Variants in CNTNAP3 observed in about 807,000 individuals in gnomAD.
The protein encoded by CNTNAP3 is contactin associated protein family member 3, also known as contactin-associated protein-like 3.
A neutral mutation model predicts 92.1 loss-of-function variants in CNTNAP3; 36 were observed. The ratio of observed to expected loss-of-function variants is 0.39; its 90% CI spans 0.30 to 0.52. The LOEUF (loss-of-function observed/expected upper bound fraction) is 0.52, where lower values mean the gene tolerates loss of function less well. Among genes scored for constraint, CNTNAP3 ranks in the 20% least tolerant of loss-of-function variants. The pLI, the probability that CNTNAP3 is intolerant of heterozygous loss-of-function variation, is 0.76. For missense variants in CNTNAP3, 534 were observed against 1,069.6 expected (o/e 0.50, Z 6.98); for synonymous variants, 232 against 422.3 (o/e 0.55, Z 5.53).
chr9:39,287,120 CA>C (rs1238812309), intron 1 of CNTNAP3, among the ~76,000 whole-genome samples: 3 of 54,138 alleles, frequency 5.5e-5, no homozygotes, highest in African/African-American at 1.2e-4. Context: ...TACTCCAAGC[CA>C]AAAAAAAAAT....
chr9:39,067,167 T>C lies in CNTNAP3; in HGVS notation c.*6723A>G, dbSNP rs1825527031. Among the ~76,000 whole-genome samples, 1 of 152,310 alleles carries C rather than the reference T, an allele frequency of 6.6e-6. No homozygotes were observed. The highest frequency in any genetic ancestry group is 1.9e-4 in the East Asian group (1 of 5,208). ...ACATCCATTGTATTTTTTAATCTTA[T>C]ACATTAACATTGTCATCTCTCGAAG... On this transcript the variant is annotated 3_prime_UTR_variant, in exon 24 of 24. Coordinates refer to ENST00000297668, the MANE Select transcript of CNTNAP3 (RefSeq NM_033655.5).
Position 39,072,272 on chromosome 9 carries a change from G to A in CNTNAP3, c.*1618C>T, listed in dbSNP as rs535790105. ...CATAACAAGATGGAAATTCATTTAC[G>A]TAACAGTAACGCTGAATCAATATAT... is the stretch of plus-strand genomic sequence containing the variant. On this transcript the variant is annotated 3_prime_UTR_variant, in exon 24 of 24. Transcript: ENST00000297668. 4.6e-5 allele frequency among the ~76,000 whole-genome samples: 6 copies of A among 131,756 alleles called. 1 individual carries two copies. The East Asian group carries it at 9.6e-4, about 21-fold the overall frequency. The allele number at this position is 131,756 out of a possible 152,430, so 86.4% of individuals were successfully genotyped here.
intron 13 of CNTNAP3, among the ~76,000 whole-genome samples, chr9:39,120,015 A>G (rs1432588803): frequency 6.6e-6 from 1 of 152,218 alleles, no homozygotes; most frequent in African/African-American, 2.4e-5. Context: ...GAGAGAAGAA[A>G]GTGTGCTGAA....
intron 13 of CNTNAP3, among the ~76,000 whole-genome samples, chr9:39,126,304 AT>A (rs1239604594): frequency 1.3e-5 from 2 of 152,222 alleles, no homozygotes; most frequent in Non-Finnish European, 2.9e-5. Context: ...TAAGCCAGTA[AT>A]TAATAACCTT....
intron 18 of CNTNAP3, among the ~76,000 whole-genome samples, chr9:39,095,688 G>T (rs1279280785): frequency 7.1e-6 from 1 of 140,832 alleles, no homozygotes; most frequent in Admixed American, 6.9e-5. Flanking sequence ...ACTACGTTTT[G>T]GTATATAGGT....
intron 15 of CNTNAP3, among the ~76,000 whole-genome samples, chr9:39,107,964 G>A (rs1377036750): frequency 6.6e-6 from 1 of 152,080 alleles, no homozygotes; most frequent in East Asian, 1.9e-4. Context: ...TATCTGTCAA[G>A]AGCTGTGAGG....
chr9:39,099,756 C>T, intron 18 of CNTNAP3, 155 bp downstream of exon 18: 1 of 892,678 alleles, frequency 1.1e-6, no homozygotes. Context: ...AGTCATATCC[C>T]TTCTAAATTC....
At chr9:39,091,500 A>AT in intron 18 of CNTNAP3, among the ~76,000 whole-genome samples, 1 of 152,088 alleles carries the variant, frequency 6.6e-6, no homozygotes, top group East Asian at 1.9e-4. Context: ...TATTATATTA[A>AT]TTGATTTTCA....
intron 10 of CNTNAP3, among the ~76,000 whole-genome samples, chr9:39,147,512 C>T (rs1821731374): frequency 6.6e-6 from 1 of 152,150 alleles, no homozygotes; most frequent in Non-Finnish European, 1.5e-5. Context: ...ACGTTACTGA[C>T]TTTGGGAATG....
chr9:39,121,996 A>G (rs138012475), intron 13 of CNTNAP3, among the ~76,000 whole-genome samples: 2,720 of 152,224 alleles, frequency 0.018, 38 homozygotes, highest in East Asian at 0.1. Flanking sequence ...GAAGCTGAGA[A>G]GCACTCTGAA....
At chr9:39,128,832 T>G (rs1030665325) in intron 13 of CNTNAP3, among the ~76,000 whole-genome samples, 2 of 150,720 alleles carry the variant, frequency 1.3e-5, no homozygotes, top group African/African-American at 4.9e-5. Flanking sequence ...AAGATTAGTA[T>G]GAAACAATCA....
chr9:39,138,814 T>C (rs1693076), intron 12 of CNTNAP3, among the ~76,000 whole-genome samples: 156 of 142,588 alleles, frequency 1.1e-3, no homozygotes, highest in Middle Eastern at 3.6e-3. Flanking sequence ...TGGAAGAAAA[T>C]TGTCATTCTG....
chr9:39,082,264 T>C (rs1257866485), intron 21 of CNTNAP3, among the ~76,000 whole-genome samples: 1 of 151,902 alleles, frequency 6.6e-6, no homozygotes, highest in African/African-American at 2.4e-5. Context: ...CAGAAAGTTC[T>C]ATTGGACAGC....
At chr9:39,104,042 G>T in intron 15 of CNTNAP3, 128 bp from the exon 16 acceptor site, 1 of 1,441,036 alleles carries the variant, frequency 6.9e-7, no homozygotes, top group Non-Finnish European at 9.2e-7. Flanking sequence ...TTCACTGGGG[G>T]TTCTGAGCAT....
At chr9:39,110,150 C>G (rs1472123092) in intron 14 of CNTNAP3, among the ~76,000 whole-genome samples, 10 of 152,174 alleles carry the variant, frequency 6.6e-5, no homozygotes, top group Admixed American at 5.2e-4. Context: ...AATCCCAACA[C>G]TTTAGGAGAC....
At position 39,068,058 on chromosome 9, in the gene CNTNAP3, G is replaced by T. The variant is rs1825549856; in HGVS notation, c.*5832C>A. ...AAGAAAAATATTCTTTTTGTGTAAA[G>T]CCCAGATATACGTATAGTACTAAAG... On this transcript the variant is annotated 3_prime_UTR_variant, in exon 24 of 24. Transcript: ENST00000297668. Among the ~76,000 whole-genome samples, 1 of 152,310 alleles carries T rather than the reference G, an allele frequency of 6.6e-6. No individual in the cohort carries two copies. Among genetic ancestry groups the T allele is most frequent in the African/African-American group, 2.4e-5 (1 of 41,488 alleles).
chr9:39,142,091 T>C (rs554590258), intron 11 of CNTNAP3, among the ~76,000 whole-genome samples: 1 of 152,248 alleles, frequency 6.6e-6, no homozygotes, highest in East Asian at 1.9e-4. Context: ...TCTCCTGATA[T>C]TTTCCCTCAG....
At chr9:39,130,669 T>C (rs1345012800) in intron 13 of CNTNAP3, among the ~76,000 whole-genome samples, 1 of 152,218 alleles carries the variant, frequency 6.6e-6, no homozygotes, top group East Asian at 1.9e-4. Flanking sequence ...CAAGCCTGGC[T>C]ACTTTTTTGT....
intron 14 of CNTNAP3, among the ~76,000 whole-genome samples, chr9:39,110,398 A>G (rs1826716084): frequency 6.6e-6 from 1 of 152,156 alleles, no homozygotes. Context: ...CTTGTCTCAA[A>G]AAATACAAAA....
Sources: allele counts gnomAD v4.1 joint callset (sites outside exome capture counted in the v4.1 genomes callset), GRCh38; gene constraint gnomAD v4.1.1; transcripts MANE v1.5; gene names NCBI Gene and HGNC (gene_info 2026-07-23, HGNC 2026-07-21).